Variants in TLK1 observed in about 807,000 individuals in gnomAD.
TLK1 encodes the protein tousled like kinase 1.
In TLK1, 24 loss-of-function variants were observed where a neutral mutation model predicts 105.3. The ratio of observed to expected loss-of-function variants is 0.23; its 90% CI spans 0.17 to 0.32. The LOEUF (loss-of-function observed/expected upper bound fraction) is 0.32, where lower values mean the gene tolerates loss of function less well. Among genes scored for constraint, TLK1 ranks in the 10% least tolerant of loss-of-function variants. The pLI, the probability that TLK1 is intolerant of heterozygous loss-of-function variation, is 1.00. For missense variants in TLK1, 558 were observed against 910.5 expected (o/e 0.61, Z 4.98); for synonymous variants, 321 against 310.4 (o/e 1.03, Z -0.36).
At chr2:171,167,494 C>G (rs886524108) in intron 1 of TLK1, among the ~76,000 whole-genome samples, 3 of 152,170 alleles carry the variant, frequency 2.0e-5, no homozygotes, top group Non-Finnish European at 2.9e-5. Context: ...ATTCTCATTT[C>G]ATTAAGTTGG....
At chr2:171,111,286 T>C (rs374733285) in intron 2 of TLK1, among the ~76,000 whole-genome samples, 2 of 152,034 alleles carry the variant, frequency 1.3e-5, no homozygotes, top group African/African-American at 4.8e-5. Context: ...GTAAAAGATC[T>C]CCCCGGCTGA....
At chr2:170,994,812 C>A (rs1018199150) in intron 20 of TLK1, 1 of 413,028 alleles carries the variant, frequency 2.4e-6, no homozygotes. Flanking sequence ...CTTTGCCAGG[C>A]CTCTTTCACC....
At chr2:171,034,185 C>A (rs1368923144) in intron 11 of TLK1, among the ~76,000 whole-genome samples, 3 of 152,068 alleles carry the variant, frequency 2.0e-5, no homozygotes, top group African/African-American at 2.4e-5. Flanking sequence ...TAAAACGGTG[C>A]AGAATGGAAA....
intron 2 of TLK1, among the ~76,000 whole-genome samples, chr2:171,087,172 T>G (rs1689017331): frequency 6.6e-6 from 1 of 152,156 alleles, no homozygotes; most frequent in Non-Finnish European, 1.5e-5. Flanking sequence ...AAGTGACCCA[T>G]ACTCAAGAGG....
intron 2 of TLK1, among the ~76,000 whole-genome samples, chr2:171,107,681 A>T (rs564684878): frequency 6.6e-6 from 1 of 152,212 alleles, no homozygotes; most frequent in African/African-American, 2.4e-5. Flanking sequence ...AGATCTCTAA[A>T]GTGACCATGC....
chr2:171,105,616 G>A (rs921088314), intron 2 of TLK1, among the ~76,000 whole-genome samples: 1 of 152,112 alleles, frequency 6.6e-6, no homozygotes, highest in African/African-American at 2.4e-5. Context: ...AAACCAGGAG[G>A]CGGAGGCTGC....
rs747991627 is a variant in TLK1 at position 171,061,155 on chromosome 2, G to A, written c.332C>T (p.Thr111Ile). The A allele has an allele frequency of 1.9e-6, 3 of 1,613,072 alleles. No homozygotes were observed. The highest frequency in any genetic ancestry group is 2.2e-5 in the East Asian group (1 of 44,744). The change falls in exon 4 of 21, where the codon ACA becomes ATA. Residue 111 changes from threonine to isoleucine, a missense_variant and splice_region_variant. Physicochemically the swap from Thr to Ile is moderately conservative, Grantham distance 89. This residue lies in a region of TLK1 where 13 missense variants were observed against 39.9 expected (regional missense o/e 0.33). Transcript: ENST00000431350. ...LGSLSDKESETPEKKQSESSR... is the reference protein window; with the variant it reads ...LGSLSDKESEIPEKKQSESSR... Reference sequence around the variant, plus strand: ...TGATTCCGATTGTTTCTTCTCCGGTGTCTACAGAAAACAAGATAACAGATT... The same window carrying A: ...TGATTCCGATTGTTTCTTCTCCGGTATCTACAGAAAACAAGATAACAGATT...
At chr2:171,218,623 A>C (rs1260109924) in intron 1 of TLK1, among the ~76,000 whole-genome samples, 2 of 152,160 alleles carry the variant, frequency 1.3e-5, no homozygotes, top group African/African-American at 2.4e-5. Flanking sequence ...AGCAGGTTTG[A>C]TGTCTGGCAA....
At chr2:171,141,436 C>CA (rs1691569208) in intron 1 of TLK1, among the ~76,000 whole-genome samples, 1 of 152,134 alleles carries the variant, frequency 6.6e-6, no homozygotes, top group African/African-American at 2.4e-5. Context: ...TGCAGTCCTA[C>CA]GTCACAGTTA....
At chr2:171,073,399 CATTTCATG>C in intron 3 of TLK1, among the ~76,000 whole-genome samples, 1 of 152,188 alleles carries the variant, frequency 6.6e-6, no homozygotes, top group South Asian at 2.1e-4. Context: ...CTTACAGATC[CATTTCATG>C]ATTTCATGAC....
intron 1 of TLK1, among the ~76,000 whole-genome samples, chr2:171,131,522 C>T (rs925368871): frequency 6.6e-6 from 1 of 152,134 alleles, no homozygotes; most frequent in East Asian, 1.9e-4. Context: ...TTCCAGCAAA[C>T]AGTCACTTAA....
chr2:171,167,227 A>G (rs971044878), intron 1 of TLK1, among the ~76,000 whole-genome samples: 2 of 152,190 alleles, frequency 1.3e-5, no homozygotes, highest in Non-Finnish European at 2.9e-5. Context: ...CTACTCTTAC[A>G]TGTATGAATT....
At chr2:171,049,745 C>G in intron 10 of TLK1, 69 bp downstream of exon 10, 1 of 1,582,018 alleles carries the variant, frequency 6.3e-7, no homozygotes, top group South Asian at 1.1e-5. Context: ...AATTACAAAT[C>G]TATAATCTTT....
At chr2:171,095,153 A>G (rs555517967) in intron 2 of TLK1, among the ~76,000 whole-genome samples, 2 of 152,330 alleles carry the variant, frequency 1.3e-5, no homozygotes, top group South Asian at 4.1e-4. Context: ...GAAAACTGTA[A>G]CTGTAAATGT....
rs35081277 is a variant in TLK1, at chr2:171,076,735, TAAAAAAA to T, written c.330+6039_330+6045del. Among the ~76,000 whole-genome samples the T allele has an allele frequency of 3.2e-5, 4 of 125,072 alleles. No homozygotes were observed. The South Asian group carries it at 1.1e-3, about 34-fold the overall frequency. The allele number at this position is 125,072 out of a possible 152,430, so 82.1% of individuals were successfully genotyped here. The stretch of plus-strand genomic sequence containing the variant: ...TAACACGGTGAAACTCCATCTCTAC[TAAAAAAA>T]AAAAAAAAAAAATACAAAAAAATCA... On this transcript the variant is annotated intron_variant, in intron 3 of 20. Coordinates refer to ENST00000431350, the MANE Select transcript of TLK1 (RefSeq NM_012290.5).
intron 1 of TLK1, among the ~76,000 whole-genome samples, chr2:171,129,790 C>T (rs998162718): frequency 6.6e-5 from 10 of 151,802 alleles, no homozygotes; most frequent in African/African-American, 2.4e-4. Flanking sequence ...CTGTGAAATG[C>T]TGCCACCGCA....
chr2:171,178,531 C>A (rs561324920), intron 1 of TLK1, among the ~76,000 whole-genome samples: 12 of 152,262 alleles, frequency 7.9e-5, no homozygotes, highest in Admixed American at 7.2e-4. Flanking sequence ...CACCTCATAA[C>A]AACAATGGTA....
At chr2:171,118,122 A>G (rs774646495) in intron 1 of TLK1, among the ~76,000 whole-genome samples, 1 of 152,208 alleles carries the variant, frequency 6.6e-6, no homozygotes, top group Non-Finnish European at 1.5e-5. Context: ...AAACATTCAT[A>G]TATTTAAAAG....
intron 11 of TLK1, among the ~76,000 whole-genome samples, chr2:171,030,309 A>G (rs1267465523): frequency 1.0e-5 from 1 of 97,850 alleles, no homozygotes; most frequent in Non-Finnish European, 2.4e-5. Context: ...CAACATCTTA[A>G]GAGCCAAAAA....
Sources: gnomAD v4.1 joint callset for allele counts (sites outside exome capture counted in the v4.1 genomes callset) on GRCh38, gnomAD v4.1.1 for gene constraint, gnomAD v4.1.1 regional missense constraint, MANE v1.5 for transcripts, NCBI Gene and HGNC (gene_info 2026-07-23, HGNC 2026-07-21) for gene names.